CRADD: variants seen among roughly 807,000 people sequenced by gnomAD.
CRADD encodes CARD and death domain containing adaptor protein.
A neutral mutation model predicts 15.5 loss-of-function variants in CRADD; 9 were observed. The ratio of observed to expected loss-of-function variants is 0.58; its 90% confidence interval spans 0.35 to 1.01. The LOEUF (loss-of-function observed/expected upper bound fraction) is 1.01. Ranked by LOEUF, CRADD falls within the 50% of genes least tolerant of loss-of-function variation. The probability of loss-of-function intolerance (pLI) is 0.02; values close to 1 mark genes in which losing one functional copy is unlikely to be tolerated. For missense variants in CRADD, 227 were observed against 250.3 expected (o/e 0.91, Z 0.63); for synonymous variants, 118 against 107.6 (o/e 1.10, Z -0.60).
chr12:93,772,549 C>A (rs1957095735), intron 2 of CRADD, among the ~76,000 whole-genome samples: 1 of 152,204 alleles, frequency 6.6e-6, no homozygotes, highest in Non-Finnish European at 1.5e-5. Flanking sequence ...CATGCAAATA[C>A]TTGTCTAGAG....
chr12:93,742,770 T>A (rs1452923262), intron 2 of CRADD, among the ~76,000 whole-genome samples: 1 of 152,148 alleles, frequency 6.6e-6, no homozygotes, highest in Non-Finnish European at 1.5e-5. Flanking sequence ...CGTCACAGGT[T>A]GCCGGCAATT....
intron 2 of CRADD, among the ~76,000 whole-genome samples, chr12:93,808,732 T>C (rs1385805979): frequency 1.3e-5 from 2 of 152,038 alleles, no homozygotes; most frequent in Non-Finnish European, 2.9e-5. Flanking sequence ...CCAATGCCGT[T>C]GAGTAGCTGC....
At chr12:93,788,789 A>T (rs1218507465) in intron 2 of CRADD, among the ~76,000 whole-genome samples, 1 of 152,078 alleles carries the variant, frequency 6.6e-6, no homozygotes, top group Non-Finnish European at 1.5e-5. Context: ...TTTTCCCACC[A>T]TTTAAGGGAA....
rs934482247 is a variant in CRADD at position 93,808,307 on chromosome 12, C to T, written c.299-41663C>T. Among the ~76,000 whole-genome samples, 8 of 152,152 alleles carry T rather than the reference C, an allele frequency of 5.3e-5. No individual in the cohort carries two copies. The East Asian group carries it at 1.4e-3, about 26-fold the overall frequency. ...GAGGCCTCACAATCATGGCAGAAGG[C>T]GAATGAGGAACAAAGTCATGTTTTA... On this transcript the variant is annotated intron_variant, in intron 2 of 2. Transcript: ENST00000332896.
At chr12:93,748,166 G>A (rs1334917125) in intron 2 of CRADD, among the ~76,000 whole-genome samples, 1 of 152,188 alleles carries the variant, frequency 6.6e-6, no homozygotes, top group Non-Finnish European at 1.5e-5. Flanking sequence ...TCAGTAGATG[G>A]TAATATCCTT....
At chr12:93,815,187 A>G (rs1957682041) in intron 2 of CRADD, 1 of 152,248 alleles carries the variant, frequency 6.6e-6, no homozygotes, top group South Asian at 2.1e-4. Context: ...CTATATAAAC[A>G]TATAGTATTT....
chr12:93,851,543 C>T (rs1958221510), downstream of CRADD, among the ~76,000 whole-genome samples: 2 of 152,226 alleles, frequency 1.3e-5, no homozygotes, highest in Non-Finnish European at 2.9e-5. Flanking sequence ...AGATGCAGCT[C>T]ATTGTCAGCT....
chr12:93,870,500 C>T (rs761972958), intron 2 of CRADD, among the ~76,000 whole-genome samples: 2 of 152,162 alleles, frequency 1.3e-5, no homozygotes, highest in South Asian at 2.1e-4. Context: ...ATCCCAGCCC[C>T]GTGTTGCAGG....
At chr12:93,689,678 A>G (rs1324655921) in intron 2 of CRADD, among the ~76,000 whole-genome samples, 5 of 152,216 alleles carry the variant, frequency 3.3e-5, no homozygotes, top group Non-Finnish European at 5.9e-5. Context: ...TGGCAATACC[A>G]TTACCAAAAT....
chr12:93,820,792 C>T (rs147959291), intron 2 of CRADD, among the ~76,000 whole-genome samples: 2 of 152,260 alleles, frequency 1.3e-5, no homozygotes, highest in African/African-American at 4.8e-5. Context: ...CAGATATCAC[C>T]CCCATGCCCA....
At chr12:93,767,244 T>C (rs1957035822) in intron 2 of CRADD, among the ~76,000 whole-genome samples, 2 of 152,260 alleles carry the variant, frequency 1.3e-5, no homozygotes, top group South Asian at 2.1e-4. Context: ...CAGAGATTGG[T>C]TGAAATATTA....
chr12:93,770,479 T>C (rs1957075918), intron 2 of CRADD, among the ~76,000 whole-genome samples: 1 of 152,200 alleles, frequency 6.6e-6, no homozygotes, highest in Non-Finnish European at 1.5e-5. Context: ...AATTTTTGTG[T>C]ATGTTGAAAA....
rs562261896 is a variant in CRADD, at chr12:93,774,257, T to C, written c.299-75713T>C. On this transcript the variant is annotated intron_variant, in intron 2 of 2. Coordinates refer to ENST00000332896, the MANE Select transcript of CRADD (RefSeq NM_003805.5). ...CACCACAAACATATAGTAATACTTG[T>C]TGAATAAATGAAAGGAAGAAAAATG... Among the ~76,000 whole-genome samples, 41 of 152,328 alleles carry C rather than the reference T, an allele frequency of 2.7e-4. No individual in the cohort carries two copies. In the Middle Eastern group the frequency reaches 0.01, roughly 38 times the overall value.
chr12:93,696,045 A>ATAC (rs1362807727), intron 2 of CRADD, among the ~76,000 whole-genome samples: 1 of 152,276 alleles, frequency 6.6e-6, no homozygotes, highest in Non-Finnish European at 1.5e-5. Context: ...ATATAACCTC[A>ATAC]TACCTATTAG....
At chr12:93,714,360 T>A (rs1956125622) in intron 2 of CRADD, among the ~76,000 whole-genome samples, 1 of 152,214 alleles carries the variant, frequency 6.6e-6, no homozygotes. Flanking sequence ...GAAAGCATTT[T>A]ATTTCACTCC....
chr12:93,833,538 G>T (rs547118340), intron 2 of CRADD, among the ~76,000 whole-genome samples: 40 of 151,988 alleles, frequency 2.6e-4, no homozygotes, highest in Admixed American at 5.9e-4. Context: ...AGATTGAGGG[G>T]TGTCCCTATG....
chr12:93,790,912 G>GACACACACACACACACAC (rs58305551), intron 2 of CRADD, among the ~76,000 whole-genome samples: 2,571 of 144,768 alleles, frequency 0.018, 39 homozygotes, highest in African/African-American at 0.044. Flanking sequence ...CCATATACAT[G>GACACACACACACACACAC]ACACACACAC....
intron 2 of CRADD, among the ~76,000 whole-genome samples, chr12:93,872,668 T>C (rs1476137990): frequency 1.3e-5 from 2 of 152,156 alleles, no homozygotes; most frequent in Non-Finnish European, 2.9e-5. Flanking sequence ...AGACTATCTT[T>C]TCCCCAGTGT....
At chr12:93,713,601 T>C (rs558971841) in intron 2 of CRADD, among the ~76,000 whole-genome samples, 1 of 152,026 alleles carries the variant, frequency 6.6e-6, no homozygotes, top group East Asian at 1.9e-4. Flanking sequence ...AGTTGTTATA[T>C]TGTTTGTTTG....
Sources: gnomAD v4.1 joint callset for allele counts (sites outside exome capture counted in the v4.1 genomes callset) on GRCh38, gnomAD v4.1.1 for gene constraint, MANE v1.5 for transcripts, NCBI Gene and HGNC (gene_info 2026-07-23, HGNC 2026-07-21) for gene names.